Variants in PTGR1 observed in about 807,000 individuals in gnomAD.
PTGR1 encodes the protein 15-oxoprostaglandin 13-reductase.
In PTGR1, 23 loss-of-function variants were observed where a neutral mutation model predicts 37.7. The ratio of observed to expected loss-of-function variants is 0.61; its 90% CI spans 0.44 to 0.86. The LOEUF (loss-of-function observed/expected upper bound fraction) is 0.86, where lower values mean the gene tolerates loss of function less well. Among genes scored for constraint, PTGR1 ranks in the 40% least tolerant of loss-of-function variants. The pLI, the probability that PTGR1 is intolerant of heterozygous loss-of-function variation, is 0.00. For missense variants in PTGR1, 351 were observed against 394.3 expected (o/e 0.89, Z 0.93); for synonymous variants, 134 against 140.0 (o/e 0.96, Z 0.30).
At chr9:111,576,646 C>G (rs1305967925) in intron 7 of PTGR1, 1 of 499,318 alleles carries the variant, frequency 2.0e-6, no homozygotes, top group African/African-American at 1.9e-5. Context: ...TTAAGGATTT[C>G]AGATTATAGT....
chr9:111,568,347 A>G (rs2132339069), intron 9 of PTGR1, among the ~76,000 whole-genome samples: 1 of 152,238 alleles, frequency 6.6e-6, no homozygotes, highest in South Asian at 2.1e-4. Flanking sequence ...AAGCACTGAA[A>G]TACGCCCTGA....
Position 111,563,102 on chromosome 9 carries a change from A to G in PTGR1, c.*19T>C. ...AACTAATCATCTAAATGGCCTCCAG[A>G]TTCCATGTGTCCTCTTTTTCATGCT... is the stretch of plus-strand genomic sequence containing the variant. On this transcript the variant is annotated 3_prime_UTR_variant, in exon 10 of 10. Transcript: ENST00000407693. 1 of 1,610,688 alleles carries G rather than the reference A, an allele frequency of 6.2e-7. No individual in the cohort carries two copies. Among genetic ancestry groups the G allele is most frequent in the Non-Finnish European group, 8.5e-7 (1 of 1,178,994 alleles).
chr9:111,599,547 C>T (rs1829881941), intron 1 of PTGR1, 56 bp downstream of exon 1: 1 of 152,600 alleles, frequency 6.6e-6, no homozygotes, highest in East Asian at 1.9e-4. Context: ...AGGAAGAAAG[C>T]AAGGGGGTTA....
At chr9:111,567,809 G>A (rs973556003) in intron 9 of PTGR1, among the ~76,000 whole-genome samples, 50 of 152,272 alleles carry the variant, frequency 3.3e-4, no homozygotes, top group African/African-American at 1.1e-3. Flanking sequence ...CTACTGTTGC[G>A]GGAAGTCAGG....
chr9:111,584,638 G>A (rs1453352276), intron 5 of PTGR1, among the ~76,000 whole-genome samples: 1 of 152,090 alleles, frequency 6.6e-6, no homozygotes, highest in Non-Finnish European at 1.5e-5. Flanking sequence ...GGGAAGGAAG[G>A]GTGGGAAGAA....
At chr9:111,592,652 G>A (rs1038039946) in intron 4 of PTGR1, 9 of 314,664 alleles carry the variant, frequency 2.9e-5, no homozygotes, top group African/African-American at 6.5e-5. Context: ...GCCAGATCCC[G>A]CAATAAATCA....
At chr9:111,583,354 C>A in intron 6 of PTGR1, 118 bp downstream of exon 6, 1 of 807,576 alleles carries the variant, frequency 1.2e-6, no homozygotes, top group Non-Finnish European at 2.0e-6. Context: ...CAATCTCCAA[C>A]TTCTAAAGAA....
intron 4 of PTGR1, 70 bp downstream of exon 4, chr9:111,592,856 G>A: frequency 6.4e-7 from 1 of 1,564,232 alleles, no homozygotes; most frequent in Non-Finnish European, 8.6e-7. Context: ...GCAATGGACA[G>A]AGACAGGACC....
At chr9:111,593,018 TA>T in intron 3 of PTGR1, 36 bp from the exon 4 acceptor site, 6 of 839,222 alleles carry the variant, frequency 7.1e-6, no homozygotes, top group African/African-American at 3.8e-5. Context: ...AAAAAAAAAA[TA>T]GGTAAATAAA....
chr9:111,554,618 G>A (rs533174288), intron 9 of PTGR1, among the ~76,000 whole-genome samples: 1 of 152,338 alleles, frequency 6.6e-6, no homozygotes, highest in South Asian at 2.1e-4. Flanking sequence ...CAGACAGGTA[G>A]TGTAGATGAC....
At chr9:111,593,114 C>T (rs545677383) in intron 3 of PTGR1, 132 bp from the exon 4 acceptor site, 79 of 1,375,918 alleles carry the variant, frequency 5.7e-5, no homozygotes, top group South Asian at 1.6e-4. Context: ...TAAGTGTATG[C>T]GGCAATAAAA....
Position 111,594,167 on chromosome 9 carries a change from T to C in PTGR1, c.152+55A>G, listed in dbSNP as rs937602007. The C allele has an allele frequency of 6.6e-6, 10 of 1,504,874 alleles. No individual in the cohort carries two copies. The African/African-American group carries it at 1.2e-4, about 19-fold the overall frequency. 93.2% of individuals were successfully genotyped at this position (1,504,874 alleles called of 1,614,324 possible). On this transcript the variant is annotated intron_variant, in intron 3 of 9. Transcript: ENST00000407693. ...TTGGATATTTTAGAAGATGAACTAC[T>C]TCCAGATAGCATTTAACACAGCATT...
chr9:111,594,123 T>C, intron 3 of PTGR1, 99 bp downstream of exon 3: 1 of 1,229,824 alleles, frequency 8.1e-7, no homozygotes, highest in Non-Finnish European at 1.2e-6. Context: ...AGAAGGAAAG[T>C]GACAATGTTT....
rs775643711 is a variant in PTGR1 at position 111,583,596 on chromosome 9, G to A, written c.378-7C>T. 1.5e-5 allele frequency: 24 copies of A among 1,575,162 alleles called. No individual in the cohort carries two copies. Among genetic ancestry groups the A allele is most frequent in the Admixed American group, 3.3e-5 (2 of 59,934 alleles). On this transcript the variant is annotated splice_region_variant and splice_polypyrimidine_tract_variant and intron_variant, in intron 5 of 9. Transcript: ENST00000407693. Reference sequence around the variant, plus strand: ...GCCAAAGTAGGCAGTCAGGCTAAAGGAAGAAAATTAAGGATATATGAATAG... The same window carrying A: ...GCCAAAGTAGGCAGTCAGGCTAAAGAAAGAAAATTAAGGATATATGAATAG...
In PTGR1 at chr9:111,562,960, TC is replaced by T; in HGVS notation, c.*160del. 1 of 1,396,872 alleles carries T rather than the reference TC, an allele frequency of 7.2e-7. No homozygotes were observed. Among genetic ancestry groups the T allele is most frequent in the Non-Finnish European group, 9.3e-7 (1 of 1,078,502 alleles). 86.5% of individuals were successfully genotyped at this position (1,396,872 alleles called of 1,614,324 possible). Reference sequence around the variant, plus strand: ...TTGACTTTGAAACTTCCATCCTCCATCACTAATTACATACCACTTAAATGTA... The same window carrying T: ...TTGACTTTGAAACTTCCATCCTCCATACTAATTACATACCACTTAAATGTA... On this transcript the variant is annotated 3_prime_UTR_variant, in exon 10 of 10. Coordinates refer to ENST00000407693, the MANE Select transcript of PTGR1 (RefSeq NM_001146108.2).
At chr9:111,578,771 G>C in intron 7 of PTGR1, 25 bp downstream of exon 7, 1 of 1,576,988 alleles carries the variant, frequency 6.3e-7, no homozygotes, top group Middle Eastern at 1.8e-4. Context: ...TAATAAATTA[G>C]ATATTAAGTC....
At chr9:111,570,988 G>A (rs2132352141) in intron 8 of PTGR1, among the ~76,000 whole-genome samples, 1 of 152,276 alleles carries the variant, frequency 6.6e-6, no homozygotes, top group East Asian at 1.9e-4. Flanking sequence ...ACAGAGGAAG[G>A]GGCCACATGC....
At chr9:111,596,715 T>C (rs909082785) in intron 2 of PTGR1, among the ~76,000 whole-genome samples, 3 of 151,234 alleles carry the variant, frequency 2.0e-5, no homozygotes, top group South Asian at 4.2e-4. Flanking sequence ...TGAGCCGAGA[T>C]TGCTCCACTG....
chr9:111,562,444 T>C (rs1293050354), downstream of PTGR1: 3 of 151,952 alleles, frequency 2.0e-5, no homozygotes, highest in African/African-American at 7.3e-5. Context: ...CTCAGCTAAT[T>C]TTTGTATTTT....
Sources: gnomAD v4.1 joint callset for allele counts (sites outside exome capture counted in the v4.1 genomes callset) on GRCh38, gnomAD v4.1.1 for gene constraint, MANE v1.5 for transcripts, NCBI Gene and HGNC (gene_info 2026-07-23, HGNC 2026-07-21) for gene names.